UMODL1: variants seen among roughly 807,000 people sequenced by gnomAD.
UMODL1 encodes the protein uromodulin like 1.
A neutral mutation model predicts 136.3 loss-of-function variants in UMODL1; 128 were observed. The ratio of observed to expected loss-of-function variants is 0.94; its 90% CI spans 0.81 to 1.09. UMODL1 has a LOEUF of 1.09. Among genes scored for constraint, UMODL1 ranks in the 50% least tolerant of loss-of-function variants. UMODL1 has a pLI of 0.00. For missense variants in UMODL1, 1,766 were observed against 1,725.6 expected (o/e 1.02, Z -0.41); for synonymous variants, 721 against 720.0 (o/e 1.00, Z -0.02).
At chr21:42,078,821 C>G (rs220297) in intron 2 of UMODL1, among the ~76,000 whole-genome samples, 74,841 of 145,150 alleles carry the variant, frequency 0.52, 21,158 homozygotes, top group African/African-American at 0.67. Context: ...GCAGGACAAG[C>G]CTATGCCTTG....
At chr21:42,068,690 A>G (rs961003352), upstream of UMODL1, among the ~76,000 whole-genome samples, 1 of 152,212 alleles carries the variant, frequency 6.6e-6, no homozygotes, top group Non-Finnish European at 1.5e-5. This position sits in a 1 kb window ranked among gnomAD's most constrained non-coding sequence, Gnocchi z 5.5. Flanking sequence ...TAGTGTGGGC[A>G]TGTGTGAATG....
chr21:42,080,709 TG>T (rs1474982525), intron 2 of UMODL1, among the ~76,000 whole-genome samples: 2 of 152,258 alleles, frequency 1.3e-5, no homozygotes, highest in Non-Finnish European at 2.9e-5. Flanking sequence ...CCAAGCCTGC[TG>T]CTCACGAATA....
At chr21:42,084,596 C>T (rs960292181) in intron 3 of UMODL1, among the ~76,000 whole-genome samples, 10 of 152,072 alleles carry the variant, frequency 6.6e-5, no homozygotes, top group Admixed American at 2.0e-4. Flanking sequence ...CCACAGGGGC[C>T]TGACGAGCGC....
At chr21:42,091,775 A>T (rs949352108) in intron 6 of UMODL1, among the ~76,000 whole-genome samples, 1 of 152,186 alleles carries the variant, frequency 6.6e-6, no homozygotes, top group African/African-American at 2.4e-5. Flanking sequence ...CGGTGCCAGG[A>T]TGCTGATTGA....
intron 8 of UMODL1, chr21:42,102,909 T>C (rs1569155876): frequency 6.5e-6 from 1 of 153,084 alleles, no homozygotes; most frequent in South Asian, 2.1e-4. Flanking sequence ...AGCATGCGTG[T>C]GCTGCTGTGC....
At chr21:42,079,172 C>T (rs898040256) in intron 2 of UMODL1, among the ~76,000 whole-genome samples, 5 of 152,274 alleles carry the variant, frequency 3.3e-5, no homozygotes, top group Middle Eastern at 3.4e-3. Flanking sequence ...TTCCTGCTCC[C>T]GCTCTGCAGG....
chr21:42,109,861 A>G (rs902929370), intron 10 of UMODL1, among the ~76,000 whole-genome samples, 162 bp downstream of exon 10: 1 of 152,380 alleles, frequency 6.6e-6, no homozygotes, highest in South Asian at 2.1e-4. Context: ...ATCAGAAGAA[A>G]GAAATTAATA....
At chr21:42,100,413 A>T (rs2066612387) in intron 7 of UMODL1, among the ~76,000 whole-genome samples, 1 of 151,832 alleles carries the variant, frequency 6.6e-6, no homozygotes, top group Admixed American at 6.6e-5. Flanking sequence ...TTTCAAACTG[A>T]TTTGGGGCGG....
intron 6 of UMODL1, among the ~76,000 whole-genome samples, chr21:42,097,145 G>A (rs979816362): frequency 5.3e-5 from 8 of 152,214 alleles, no homozygotes; most frequent in African/African-American, 1.7e-4. Flanking sequence ...TCCCTGACCA[G>A]TATGCCGAAA....
In UMODL1 at chr21:42,116,039, C is replaced by T. The variant is rs1181260312; in HGVS notation, c.2475+54C>T. The T allele has an allele frequency of 2.7e-6, 4 of 1,487,410 alleles. No individual in the cohort carries two copies. The African/African-American group carries it at 4.2e-5, about 15-fold the overall frequency. 92.1% of individuals were successfully genotyped at this position (1,487,410 alleles called of 1,614,324 possible). On this transcript the variant is annotated intron_variant, in intron 14 of 22. Transcript: ENST00000408910. ...CTTTCAGGAGGGAAAGGGTGGAAGG[C>T]TGATAGAATTCTAGGTTAGGCACGG... is the stretch of plus-strand genomic sequence containing the variant.
intron 21 of UMODL1, among the ~76,000 whole-genome samples, chr21:42,134,793 T>TA (rs1007522421): frequency 4.6e-5 from 7 of 151,262 alleles, no homozygotes; most frequent in African/African-American, 7.3e-5. Context: ...TTTTTTTTTT[T>TA]TATATTTTTT....
chr21:42,124,902 A>G (rs2067031554), intron 17 of UMODL1, among the ~76,000 whole-genome samples: 1 of 152,156 alleles, frequency 6.6e-6, no homozygotes, highest in Non-Finnish European at 1.5e-5. Context: ...TGGGTCAGGC[A>G]TCATCATCCA....
intron 2 of UMODL1, among the ~76,000 whole-genome samples, chr21:42,079,779 A>C (rs963695069): frequency 6.6e-6 from 1 of 152,220 alleles, no homozygotes; most frequent in African/African-American, 2.4e-5. Context: ...AGTTCCAGGA[A>C]GGCAGGCTGG....
At chr21:42,066,198 C>T (rs2066181465) in intron 1 of UMODL1, among the ~76,000 whole-genome samples, 1 of 152,122 alleles carries the variant, frequency 6.6e-6, no homozygotes, top group African/African-American at 2.4e-5. Context: ...AGGACAGAGA[C>T]AAATTAAAAA....
chr21:42,097,289 C>G (rs1250402092), intron 6 of UMODL1, among the ~76,000 whole-genome samples: 3 of 152,184 alleles, frequency 2.0e-5, no homozygotes, highest in African/African-American at 7.2e-5. Flanking sequence ...TGAAGCCTGT[C>G]CAGATTCCAG....
chr21:42,094,063 C>A, intron 6 of UMODL1: 1 of 412,128 alleles, frequency 2.4e-6, no homozygotes, highest in Non-Finnish European at 4.9e-6. Context: ...GGTCAGTCAT[C>A]CGGAAAAATA....
At chr21:42,075,075 T>C (rs2146418521) in intron 1 of UMODL1, among the ~76,000 whole-genome samples, 1 of 152,122 alleles carries the variant, frequency 6.6e-6, no homozygotes, top group Admixed American at 6.5e-5. Flanking sequence ...ATTTTTTGTA[T>C]TTTTAGTAGA....
At chr21:42,063,715 G>A (rs2066159958) in intron 1 of UMODL1, among the ~76,000 whole-genome samples, 1 of 152,198 alleles carries the variant, frequency 6.6e-6, no homozygotes, top group African/African-American at 2.4e-5. Flanking sequence ...GCTCCCAACT[G>A]GCCGCTTGCT....
chr21:42,111,260 C>T (rs2146504351), intron 11 of UMODL1, 139 bp downstream of exon 11: 2 of 1,414,716 alleles, frequency 1.4e-6, no homozygotes, highest in South Asian at 1.3e-5. Flanking sequence ...GAGCACCAGC[C>T]AGGGGAGCCC....
Sources: allele counts gnomAD v4.1 joint callset (sites outside exome capture counted in the v4.1 genomes callset), GRCh38; gene constraint gnomAD v4.1.1; non-coding constraint Gnocchi (gnomAD v3.1); transcripts MANE v1.5; gene names NCBI Gene and HGNC (gene_info 2026-07-23, HGNC 2026-07-21).